The following STAG1 variants were observed in gnomAD, a reference collection of about 807,000 sequenced individuals.
The protein encoded by STAG1 is STAG1 cohesin complex component.
STAG1 carries 26 observed loss-of-function variants against 170.9 expected under a neutral mutation model. The observed-to-expected ratio is 0.15, with a 90% CI of 0.11 to 0.21. The LOEUF is 0.21. STAG1 is among the 10% of genes least tolerant of loss of function. The pLI, the probability that STAG1 is intolerant of heterozygous loss-of-function variation, is 1.00. For synonymous variants in STAG1, 514 were observed against 497.7 expected, an observed-to-expected ratio of 1.03 and a Z score of -0.44; for missense variants, 964 against 1,509.5, an observed-to-expected ratio of 0.64 and a Z score of 5.99.
At chr3:136,736,303 T>G (rs1934330471) in intron 1 of STAG1, among the ~76,000 whole-genome samples, 1 of 152,174 alleles carries the variant, frequency 6.6e-6, no homozygotes, top group Non-Finnish European at 1.5e-5. Context: ...GGGAAGGCCT[T>G]TTTTTAAACC....
At chr3:136,525,723 G>C (rs1417758134) in intron 6 of STAG1, among the ~76,000 whole-genome samples, 1 of 152,146 alleles carries the variant, frequency 6.6e-6, no homozygotes, top group Admixed American at 6.5e-5. Flanking sequence ...GCTTTCTCTT[G>C]TGGGCATTTA....
At chr3:136,667,356 T>C (rs2107871552) in intron 1 of STAG1, among the ~76,000 whole-genome samples, 1 of 152,112 alleles carries the variant, frequency 6.6e-6, no homozygotes, top group African/African-American at 2.4e-5. Context: ...ATGTCGAGCC[T>C]AGACAACATA....
chr3:136,544,217 C>A (rs1936039915), intron 5 of STAG1, among the ~76,000 whole-genome samples: 2 of 151,976 alleles, frequency 1.3e-5, no homozygotes, highest in Admixed American at 1.3e-4. Context: ...CAAGAAGGAC[C>A]CAGCAAACTT....
intron 1 of STAG1, among the ~76,000 whole-genome samples, chr3:136,688,062 G>C (rs768591516): frequency 3.9e-5 from 6 of 151,950 alleles, no homozygotes; most frequent in Non-Finnish European, 5.9e-5. Context: ...ATACTGGCCT[G>C]GTCCAAGCAT....
chr3:136,582,662 G>A (rs1450966634), intron 4 of STAG1, among the ~76,000 whole-genome samples: 2 of 152,152 alleles, frequency 1.3e-5, no homozygotes, highest in Non-Finnish European at 2.9e-5. Flanking sequence ...AGCCAGGCGT[G>A]GTGGTGCGTG....
Position 136,538,418 on chromosome 3 carries a change from T to TC in STAG1, c.471+3700_471+3701insG, listed in dbSNP as rs1379745166. 3.3e-5 allele frequency among the ~76,000 whole-genome samples: 5 copies of TC among 151,380 alleles called. No individual in the cohort carries two copies. In the South Asian group the frequency reaches 1.0e-3, roughly 32 times the overall value. On this transcript the variant is annotated intron_variant, in intron 6 of 33. Transcript: ENST00000383202. ...AAATAATCACCATATAGTTACTTTT[T>TC]TTTTTTTTTCTTTTTTGAGAGAGAG...
chr3:136,457,862 G>A (rs568566045), intron 13 of STAG1, among the ~76,000 whole-genome samples: 137 of 152,200 alleles, frequency 9.0e-4, no homozygotes, highest in Admixed American at 7.6e-3. Flanking sequence ...TTGGGAGGCC[G>A]AGATGGGAGG....
At chr3:136,561,733 A>T (rs905346840) in intron 5 of STAG1, among the ~76,000 whole-genome samples, 10 of 152,126 alleles carry the variant, frequency 6.6e-5, no homozygotes, top group Admixed American at 5.2e-4. Context: ...TTAAATAAGA[A>T]TTGTGAGGCT....
Position 136,592,403 on chromosome 3 carries a change from T to C in STAG1, c.297+11906A>G, listed in dbSNP as rs1464059728. On this transcript the variant is annotated intron_variant, in intron 4 of 33. Coordinates refer to ENST00000383202, the MANE Select transcript of STAG1 (RefSeq NM_005862.3). Reference sequence around the variant, plus strand: ...ACTCATTTTCTCTCCTGCTGCCCTATAAAGAGGTACCTTCCACCATGATTG... The same window carrying C: ...ACTCATTTTCTCTCCTGCTGCCCTACAAAGAGGTACCTTCCACCATGATTG... Among the ~76,000 whole-genome samples, 7 of 152,172 alleles carry C rather than the reference T, an allele frequency of 4.6e-5. No individual in the cohort carries two copies. The East Asian group carries it at 9.6e-4, about 21-fold the overall frequency.
chr3:136,463,629 A>G (rs2107795580), intron 13 of STAG1, among the ~76,000 whole-genome samples: 1 of 150,500 alleles, frequency 6.6e-6, no homozygotes. Context: ...TGTAATCCCA[A>G]CACTATGGGA....
At chr3:136,572,544 C>T (rs1379017280) in intron 4 of STAG1, among the ~76,000 whole-genome samples, 3 of 135,340 alleles carry the variant, frequency 2.2e-5, no homozygotes, top group Admixed American at 1.7e-4. Context: ...GAGGAAGCTG[C>T]AGTGAGCTGT....
intron 1 of STAG1, among the ~76,000 whole-genome samples, chr3:136,744,446 T>C (rs1244585463): frequency 2.0e-5 from 3 of 152,222 alleles, no homozygotes; most frequent in African/African-American, 4.8e-5. Flanking sequence ...AGAAAATGAT[T>C]GTATCAATTT....
chr3:136,431,398 G>A (rs1027504381), intron 16 of STAG1, among the ~76,000 whole-genome samples: 3 of 151,700 alleles, frequency 2.0e-5, no homozygotes, highest in Non-Finnish European at 2.9e-5. Context: ...TCAGCCTTCC[G>A]AGTGGCTGGG....
intron 23 of STAG1, among the ~76,000 whole-genome samples, chr3:136,374,552 G>A (rs984006490): frequency 1.3e-4 from 20 of 152,052 alleles, no homozygotes; most frequent in African/African-American, 4.6e-4. Context: ...GGGAGGTGGA[G>A]GTTGGGGTGA....
intron 1 of STAG1, among the ~76,000 whole-genome samples, chr3:136,744,912 G>T (rs1373568038): frequency 6.6e-6 from 1 of 152,100 alleles, no homozygotes. Flanking sequence ...CTGACCTCAA[G>T]TGATCCACCC....
intron 7 of STAG1, among the ~76,000 whole-genome samples, chr3:136,508,185 A>T (rs559480722): frequency 1.3e-5 from 2 of 152,356 alleles, no homozygotes; most frequent in African/African-American, 4.8e-5. Context: ...AGACTATCAC[A>T]GTCAATTACT....
intron 3 of STAG1, among the ~76,000 whole-genome samples, chr3:136,616,063 T>C (rs1939578596): frequency 6.6e-6 from 1 of 151,930 alleles, no homozygotes; most frequent in South Asian, 2.1e-4. Flanking sequence ...GGTCAGGAGA[T>C]CAAGACCATC....
At chr3:136,400,383 C>T (rs1263003221) in intron 21 of STAG1, among the ~76,000 whole-genome samples, 1 of 151,666 alleles carries the variant, frequency 6.6e-6, no homozygotes, top group East Asian at 1.9e-4. Flanking sequence ...ACACGCCTGA[C>T]TAATTTTTTT....
chr3:136,688,045 C>T (rs1942596670), intron 1 of STAG1, among the ~76,000 whole-genome samples: 1 of 151,916 alleles, frequency 6.6e-6, no homozygotes, highest in Admixed American at 6.6e-5. Context: ...CCAGAAGAGA[C>T]TAATTTATAC....
Sources: gnomAD v4.1 joint callset for allele counts (sites outside exome capture counted in the v4.1 genomes callset) on GRCh38, gnomAD v4.1.1 for gene constraint, MANE v1.5 for transcripts, NCBI Gene and HGNC (gene_info 2026-07-23, HGNC 2026-07-21) for gene names.